Variants in UNC13C observed in about 807,000 individuals in gnomAD.
UNC13C encodes protein unc-13 homolog C.
A neutral mutation model predicts 245.4 loss-of-function variants in UNC13C; 174 were observed. The observed-to-expected ratio is 0.71, with a 90% CI of 0.63 to 0.80. UNC13C has a LOEUF of 0.80. Among genes scored for constraint, UNC13C ranks in the 30% least tolerant of loss-of-function variants. UNC13C has a pLI of 0.00. For missense variants in UNC13C, 2,829 were observed against 2,602.9 expected (o/e 1.09, Z -1.89); for synonymous variants, 992 against 895.1 (o/e 1.11, Z -1.93).
downstream of UNC13C, chr15:54,632,374 A>G (rs990288053): frequency 2.6e-5 from 4 of 152,152 alleles, 1 homozygote; most frequent in Admixed American, 1.3e-4. Flanking sequence ...TCTTTTATAG[A>G]TCATAGCTTT....
At chr15:54,617,390 G>C (rs1900510742) in intron 30 of UNC13C, among the ~76,000 whole-genome samples, 1 of 151,986 alleles carries the variant, frequency 6.6e-6, no homozygotes, top group Non-Finnish European at 1.5e-5. Context: ...ATGGGGAGAA[G>C]CTGTTCAATG....
intron 2 of UNC13C, among the ~76,000 whole-genome samples, chr15:54,093,954 A>G (rs1899708858): frequency 1.3e-5 from 2 of 152,236 alleles, no homozygotes; most frequent in Admixed American, 6.6e-5. Context: ...TGTGGGGAGC[A>G]TAATTGACTT....
In UNC13C at chr15:54,415,032, C is replaced by T; in HGVS notation, c.4898C>T (p.Thr1633Ile). The change falls in exon 19 of 33, where the codon ACT becomes ATT. Residue 1633 changes from threonine to isoleucine, a missense_variant. Thr to Ile is a moderately conservative substitution (Grantham distance 89). Transcript: ENST00000260323. ...MGKISAEIMW[T>I]LFALDMKYAL... ...AAAATAAGTGCCGAAATTATGTGGA[C>T]TCTTTTTGCTCTGGATATGAAATAT... 1 of 1,612,290 alleles carries T rather than the reference C, an allele frequency of 6.2e-7. No homozygotes were observed. Among genetic ancestry groups the T allele is most frequent in the Non-Finnish European group, 8.5e-7 (1 of 1,179,182 alleles).
At chr15:54,127,010 A>G (rs1201138738) in intron 2 of UNC13C, among the ~76,000 whole-genome samples, 3 of 152,218 alleles carry the variant, frequency 2.0e-5, no homozygotes, top group African/African-American at 2.4e-5. Flanking sequence ...ATGAGATACC[A>G]TCTCACACCA....
At chr15:54,065,354 G>A (rs936019759) in intron 2 of UNC13C, among the ~76,000 whole-genome samples, 18 of 152,082 alleles carry the variant, frequency 1.2e-4, no homozygotes, top group East Asian at 1.2e-3. Context: ...TGCATTATAC[G>A]ATCTCTGCTG....
At chr15:53,965,285 C>T in the UNC13C span, among the ~76,000 whole-genome samples, 3 of 152,070 alleles carry the variant, frequency 2.0e-5, no homozygotes, top group South Asian at 6.2e-4. Context: ...CCCTCTCTTC[C>T]CCTCCTCAGC....
chr15:54,307,012 G>A (rs1235906913), intron 13 of UNC13C, among the ~76,000 whole-genome samples: 1 of 151,886 alleles, frequency 6.6e-6, no homozygotes, highest in Non-Finnish European at 1.5e-5. Context: ...CATTTCTATG[G>A]TTACAGCAGT....
chr15:54,172,815 T>G, intron 4 of UNC13C, among the ~76,000 whole-genome samples: 1 of 142,972 alleles, frequency 7.0e-6, no homozygotes, highest in African/African-American at 2.6e-5. Flanking sequence ...CCCTACCCCA[T>G]GGTTGTGAAG....
At chr15:54,599,855 C>A (rs948994381) in intron 30 of UNC13C, among the ~76,000 whole-genome samples, 3 of 152,064 alleles carry the variant, frequency 2.0e-5, no homozygotes, top group African/African-American at 7.2e-5. Flanking sequence ...AGTTAATGGT[C>A]TCCTCACTCT....
rs756304528 is a variant in UNC13C, at chr15:54,525,613, A to T, written c.5522A>T (p.Glu1841Val). The change falls in exon 25 of 33, where the codon GAG becomes GTG. Residue 1841 changes from glutamate to valine, a missense_variant. Glu to Val is a moderately radical substitution (Grantham distance 121). Coordinates refer to ENST00000260323, the MANE Select transcript of UNC13C (RefSeq NM_001080534.3). Reference protein sequence around the residue: ...LQVKLSGVLDELSVTYGESFQ... With the variant: ...LQVKLSGVLDVLSVTYGESFQ... ...GTTAAGCTCAGTGGGGTCCTGGATG[A>T]GCTCAGCGTCACTTATGGTGAAAGG... The T allele has an allele frequency of 6.2e-7, 1 of 1,612,882 alleles. No homozygotes were observed. The highest frequency in any genetic ancestry group is 8.5e-7 in the Non-Finnish European group (1 of 1,179,482).
chr15:54,541,838 T>C (rs1214184873), intron 26 of UNC13C, among the ~76,000 whole-genome samples: 1 of 152,136 alleles, frequency 6.6e-6, no homozygotes, highest in Admixed American at 6.6e-5. Context: ...AATAGGTAAA[T>C]TTTTATTCTT....
upstream of UNC13C, among the ~76,000 whole-genome samples, chr15:53,973,629 G>T (rs747824908): frequency 4.6e-5 from 7 of 151,106 alleles, no homozygotes; most frequent in Non-Finnish European, 7.4e-5. Context: ...TTTACTTGAG[G>T]TCATCCAAAT....
chr15:54,605,495 G>C (rs546117423), intron 30 of UNC13C, among the ~76,000 whole-genome samples: 1 of 152,068 alleles, frequency 6.6e-6, no homozygotes, highest in African/African-American at 2.4e-5. Context: ...CTTAACCTTG[G>C]CTGCATATCA....
Position 54,393,117 on chromosome 15 carries a change from C to A in UNC13C, c.4783C>A (p.Leu1595Ile). 6.2e-7 allele frequency: 1 copy of A among 1,610,982 alleles called. No homozygotes were observed. The highest frequency in any genetic ancestry group is 2.2e-5 in the East Asian group (1 of 44,748). ...TTKNLDFWPQ[L>I]ITLMVTIIDE... ...CAAGAATTTGGATTTTTGGCCCCAA[C>A]TTATTACACTGATGGTTACTATTAT... is the stretch of plus-strand genomic sequence containing the variant. Residue 1595 changes from leucine to isoleucine, a missense_variant, in exon 18 of 33, where the codon CTT (leucine) becomes ATT (isoleucine). By Grantham distance (5) the Leu-to-Ile change is conservative. Coordinates refer to ENST00000260323, the MANE Select transcript of UNC13C (RefSeq NM_001080534.3).
intron 19 of UNC13C, among the ~76,000 whole-genome samples, chr15:54,457,892 G>GTTTTTTTTTTTTTTTTTTTTT (rs34133938): frequency 8.1e-6 from 1 of 122,990 alleles, no homozygotes; most frequent in South Asian, 2.6e-4. Flanking sequence ...TCTGCTTTTC[G>GTTTTTTTTTTTTTTTTTTTTT]TTTTTTTTTT....
intron 1 of UNC13C, among the ~76,000 whole-genome samples, chr15:54,005,910 T>C (rs1476250662): frequency 1.3e-5 from 2 of 152,170 alleles, no homozygotes; most frequent in African/African-American, 2.4e-5. Flanking sequence ...AGATGGGATA[T>C]TTAAGGGAAA....
chr15:54,273,642 C>A (rs938650817), intron 10 of UNC13C, among the ~76,000 whole-genome samples: 12 of 152,100 alleles, frequency 7.9e-5, no homozygotes, highest in Non-Finnish European at 4.4e-5. Context: ...GAATGGAGAC[C>A]AGGGAAGTCT....
intron 13 of UNC13C, among the ~76,000 whole-genome samples, chr15:54,319,910 A>C (rs1352729885): frequency 2.0e-5 from 3 of 152,000 alleles, no homozygotes; most frequent in Non-Finnish European, 4.4e-5. Flanking sequence ...ACAAACTTGG[A>C]CCCTTGATGC....
chr15:54,502,984 C>G (rs993666322), intron 22 of UNC13C, among the ~76,000 whole-genome samples: 12 of 151,976 alleles, frequency 7.9e-5, no homozygotes, highest in African/African-American at 2.2e-4. Context: ...TGGGTATAAC[C>G]AAATGTACTG....
Sources: allele counts gnomAD v4.1 joint callset (sites outside exome capture counted in the v4.1 genomes callset), GRCh38; gene constraint gnomAD v4.1.1; transcripts MANE v1.5; gene names NCBI Gene and HGNC (gene_info 2026-07-23, HGNC 2026-07-21).